The following ABCB4 variants were observed in gnomAD, a reference collection of about 807,000 sequenced individuals.
ABCB4 encodes the protein ATP binding cassette subfamily B member 4.
A neutral mutation model predicts 145.7 loss-of-function variants in ABCB4; 76 were observed. That is an observed-to-expected ratio of 0.52 (90% confidence interval 0.43 to 0.63). The LOEUF is 0.63. Among genes scored for constraint, ABCB4 ranks in the 30% least tolerant of loss-of-function variants. The pLI is 0.00. For synonymous variants in ABCB4, 517 were observed against 566.8 expected (o/e 0.91, Z 1.25); for missense variants, 1,234 against 1,553.1 (o/e 0.79, Z 3.45).
chr7:87,448,816 T>A (rs951438204), intron 8 of ABCB4: 10 of 152,166 alleles, frequency 6.6e-5, no homozygotes, highest in African/African-American at 2.2e-4. Flanking sequence ...GAAAATTAAA[T>A]GGGGGGAATA....
At chr7:87,406,597 A>C in intron 25 of ABCB4, 103 bp from the exon 26 acceptor site, 1 of 1,261,468 alleles carries the variant, frequency 7.9e-7, no homozygotes, top group Non-Finnish European at 1.1e-6. Context: ...TGAGGGTGTC[A>C]GCAGCTTCAA....
chr7:87,418,582 A>G lies in ABCB4; in HGVS notation c.2433T>C (p.Gly811=). 7.4e-6 allele frequency: 12 copies of G among 1,614,158 alleles called. No homozygotes were observed. The highest frequency in any genetic ancestry group is 1.0e-5 in the Non-Finnish European group (12 of 1,180,012). Residue 811 remains glycine, a synonymous_variant, in exon 20 of 28, where the codon GGT becomes GGC. Transcript: ENST00000649586. ...SWFDDHKNST[G]ALSTRLATDA... is the part of the protein sequence containing the mutation. ...CTGTGGCAAGTCTTGTAGAAAGTGC[A>G]CCAGTACTGTTTTTATGGTCATCAA...
upstream of ABCB4, chr7:87,476,006 A>G (rs961663116): frequency 3.3e-5 from 5 of 152,598 alleles, no homozygotes; most frequent in Admixed American, 2.6e-4. Context: ...GGGCCACCCA[A>G]GCCCCTGCAG....
intron 26 of ABCB4, 200 bp downstream of exon 26, chr7:87,406,088 T>C (rs1808163016): frequency 1.6e-6 from 1 of 620,698 alleles, no homozygotes; most frequent in Non-Finnish European, 2.8e-6. Context: ...GGTTTTGAGC[T>C]TCTCACTACA....
Position 87,440,269 on chromosome 7 carries a change from A to C in ABCB4, c.1490T>G (p.Val497Gly). Reference sequence around the variant, plus strand: ...AGCTTTCTTTATCTCATCCATGGTTACATTTCCACGGCCATAACAAATATT... The same window carrying C: ...AGCTTTCTTTATCTCATCCATGGTTCCATTTCCACGGCCATAACAAATATT... ...AENICYGRGNVTMDEIKKAVK... is the reference protein window; with the variant it reads ...AENICYGRGNGTMDEIKKAVK... The change falls in exon 13 of 28, where the codon GTA (valine) becomes GGA (glycine). Residue 497 changes from valine (V) to glycine (G), a missense_variant. Physicochemically the swap from Val to Gly is moderately radical, Grantham distance 109 (BLOSUM62 -3). Around this residue, in one of 7 missense-constraint regions of ABCB4, gnomAD observed 467 missense variants for 632.8 expected, o/e 0.74. Transcript: ENST00000649586. 4 of 1,614,192 alleles carry C rather than the reference A, an allele frequency of 2.5e-6. No individual in the cohort carries two copies. Among genetic ancestry groups the C allele is most frequent in the Non-Finnish European group, 3.4e-6 (4 of 1,180,010 alleles).
the ABCB4 span, chr7:87,375,900 G>A: frequency 2.5e-6 from 4 of 1,612,686 alleles, no homozygotes; most frequent in Non-Finnish European, 2.5e-6. Flanking sequence ...TAGTTTACTG[G>A]TATATTCCAT....
chr7:87,424,106 T>C (rs933477280), intron 16 of ABCB4, 54 bp from the exon 17 acceptor site: 4 of 1,612,208 alleles, frequency 2.5e-6, no homozygotes, highest in Non-Finnish European at 2.5e-6. Flanking sequence ...GTTACCAGAG[T>C]CTGTAGACAT....
chr7:87,422,818 T>A (rs1004165023), intron 17 of ABCB4, among the ~76,000 whole-genome samples: 1 of 152,204 alleles, frequency 6.6e-6, no homozygotes, highest in Non-Finnish European at 1.5e-5. Flanking sequence ...TCCCTCAACA[T>A]GTTACATGTT....
At chr7:87,472,741 A>C in intron 2 of ABCB4, 66 bp from the exon 3 acceptor site, 1 of 1,133,196 alleles carries the variant, frequency 8.8e-7, no homozygotes, top group Admixed American at 1.9e-5. Flanking sequence ...ATTGAACATA[A>C]ATATGTTTAG....
chr7:87,375,601 C>G, the ABCB4 span: 3 of 1,543,876 alleles, frequency 1.9e-6, no homozygotes, highest in Non-Finnish European at 2.7e-6. Flanking sequence ...TGCCTGTACT[C>G]TTTTTTAATC....
At chr7:87,445,383 T>A (rs1811276712) in intron 9 of ABCB4, among the ~76,000 whole-genome samples, 8 of 152,168 alleles carry the variant, frequency 5.3e-5, no homozygotes, top group Admixed American at 5.2e-4. Flanking sequence ...AAAAGCACCA[T>A]GTCACATATA....
In ABCB4 at chr7:87,440,409, G is replaced by A; in HGVS notation, c.1357-7C>T. On this transcript the variant is annotated splice_polypyrimidine_tract_variant and splice_region_variant and intron_variant, in intron 12 of 27. Coordinates refer to ENST00000649586, the MANE Select transcript of ABCB4 (RefSeq NM_000443.4). ...CCTGCCCATCAATGTTAATCTGAAA[G>A]AAAGAAATATTTCCTATTAAGTATT... The A allele has an allele frequency of 1.9e-6, 3 of 1,611,656 alleles. No homozygotes were observed. Among genetic ancestry groups the A allele is most frequent in the Non-Finnish European group, 2.5e-6 (3 of 1,177,926 alleles).
chr7:87,444,862 A>G lies in ABCB4; in HGVS notation c.1119T>C (p.Asn373=), dbSNP rs1219097474. ...GGCACTAAAATAATAAATGACTTAC[A>G]TTATCAATAATATCAAAGATCACAT... is the stretch of plus-strand genomic sequence containing the variant. ...AAYVIFDIID[N]NPKIDSFSER... is the part of the protein sequence containing the mutation. The change falls in exon 10 of 28, where the codon AAT becomes AAC. Residue 373 remains asparagine (N), a splice_region_variant and synonymous_variant. Coordinates refer to ENST00000649586, the MANE Select transcript of ABCB4 (RefSeq NM_000443.4). The G allele has an allele frequency of 3.1e-6, 5 of 1,601,528 alleles. No homozygotes were observed. The highest frequency in any genetic ancestry group is 1.3e-5 in the African/African-American group (1 of 74,750).
At chr7:87,370,865 T>G in the ABCB4 span, among the ~76,000 whole-genome samples, 1 of 152,194 alleles carries the variant, frequency 6.6e-6, no homozygotes, top group Non-Finnish European at 1.5e-5. Flanking sequence ...TGCTGAGTCA[T>G]AGGATATGTG....
At chr7:87,431,241 T>C (rs947358380) in intron 15 of ABCB4, among the ~76,000 whole-genome samples, 163 bp downstream of exon 15, 4 of 152,240 alleles carry the variant, frequency 2.6e-5, no homozygotes, top group African/African-American at 9.6e-5. Flanking sequence ...TCTCACCTGC[T>C]ACCTCTTTAC....
At chr7:87,421,341 G>A (rs994649811) in intron 18 of ABCB4, among the ~76,000 whole-genome samples, 10 of 152,090 alleles carry the variant, frequency 6.6e-5, no homozygotes, top group African/African-American at 2.4e-4. Flanking sequence ...ATTTGCTGGC[G>A]GATTGCTACA....
In ABCB4 at chr7:87,420,091, G is replaced by A. The variant is rs747084221; in HGVS notation, c.2317-16C>T. On this transcript the variant is annotated splice_polypyrimidine_tract_variant and intron_variant, in intron 18 of 27. Transcript: ENST00000649586. ...ACGTGAAACCCTGGTTGAGAAAAAA[G>A]GCTATGGTCTCTTTTGATCTTTATG... is the stretch of plus-strand genomic sequence containing the variant. The A allele has an allele frequency of 1.2e-6, 2 of 1,613,086 alleles. No homozygotes were observed. Among genetic ancestry groups the A allele is most frequent in the East Asian group, 2.2e-5 (1 of 44,870 alleles).
intron 8 of ABCB4, among the ~76,000 whole-genome samples, chr7:87,449,546 G>C (rs1280027551): frequency 1.3e-5 from 2 of 151,124 alleles, no homozygotes; most frequent in African/African-American, 4.9e-5. Flanking sequence ...GGATTCTCCT[G>C]CCTCAGCCTC....
At chr7:87,406,623 A>G in intron 25 of ABCB4, 129 bp from the exon 26 acceptor site, 1 of 971,676 alleles carries the variant, frequency 1.0e-6, no homozygotes, top group East Asian at 2.6e-5. Flanking sequence ...CAACCCTCCA[A>G]GACTTATACC....
Sources: gnomAD v4.1 joint callset for allele counts (sites outside exome capture counted in the v4.1 genomes callset) on GRCh38, gnomAD v4.1.1 for gene constraint, gnomAD v4.1.1 regional missense constraint, MANE v1.5 for transcripts, NCBI Gene and HGNC (gene_info 2026-07-23, HGNC 2026-07-21) for gene names.